The following ATP11B variants were observed in gnomAD, a reference collection of about 807,000 sequenced individuals.
The protein encoded by ATP11B is phospholipid-transporting ATPase IF.
A neutral mutation model predicts 157.8 loss-of-function variants in ATP11B; 81 were observed. The observed-to-expected ratio is 0.51, with a 90% CI of 0.43 to 0.62. The LOEUF (loss-of-function observed/expected upper bound fraction) is 0.62. ATP11B is among the 20% of genes least tolerant of loss of function. ATP11B has a pLI of 0.00. For missense variants in ATP11B, 1,165 were observed against 1,402.2 expected, an observed-to-expected ratio of 0.83 and a Z score of 2.70; for synonymous variants, 451 against 469.4, an observed-to-expected ratio of 0.96 and a Z score of 0.51.
intron 19 of ATP11B, among the ~76,000 whole-genome samples, chr3:182,875,956 T>A (rs1394691316): frequency 1.3e-5 from 2 of 152,140 alleles, no homozygotes; most frequent in African/African-American, 4.8e-5. Context: ...TTTTTAAATA[T>A]TTTTTTCTGG....
At chr3:182,863,468 T>C (rs535542437) in intron 12 of ATP11B, among the ~76,000 whole-genome samples, 6 of 152,250 alleles carry the variant, frequency 3.9e-5, no homozygotes, top group African/African-American at 1.4e-4. Context: ...AAGAAACTTC[T>C]GGTGATTATT....
At chr3:182,899,775 A>G (rs917360105) in intron 28 of ATP11B, among the ~76,000 whole-genome samples, 3 of 152,166 alleles carry the variant, frequency 2.0e-5, no homozygotes, top group East Asian at 3.9e-4. Context: ...ATAATTTCCA[A>G]ATACTTAGTA....
At chr3:182,850,201 G>A (rs896271193) in intron 10 of ATP11B, among the ~76,000 whole-genome samples, 1 of 152,148 alleles carries the variant, frequency 6.6e-6, no homozygotes, top group East Asian at 1.9e-4. Context: ...CGCTGAGCAC[G>A]GTGGCTCATG....
At chr3:182,870,782 G>C (rs1295204681) in intron 17 of ATP11B, among the ~76,000 whole-genome samples, 2 of 151,980 alleles carry the variant, frequency 1.3e-5, no homozygotes, top group East Asian at 1.9e-4. Flanking sequence ...GACCATCCTG[G>C]CTAACAGGAT....
At chr3:182,906,905 G>A (rs1304910368) in intron 28 of ATP11B, among the ~76,000 whole-genome samples, 14 of 151,836 alleles carry the variant, frequency 9.2e-5, no homozygotes, top group Non-Finnish European at 1.2e-4. Flanking sequence ...TGGCTGACAC[G>A]GTGAAACCCC....
chr3:182,918,367 A>T lies in ATP11B; in HGVS notation c.*263A>T, dbSNP rs946702386. 1.4e-5 allele frequency: 6 copies of T among 424,578 alleles called. No homozygotes were observed. Among genetic ancestry groups the T allele is most frequent in the Non-Finnish European group, 2.5e-5 (6 of 244,216 alleles). The allele number at this position is 424,578 out of a possible 1,614,324, so 26.3% of individuals were successfully genotyped here. A position where few individuals can be genotyped will look rare whatever the true frequency, so the allele number is the denominator to read the frequency against. On this transcript the variant is annotated 3_prime_UTR_variant, in exon 30 of 30. Transcript: ENST00000323116. ...TTTGTCTGGTTTGTCCCTTGTGCTTATGGGACTCCTAATGGCATTTCAGTC... is the reference window on the plus strand; with the variant it reads ...TTTGTCTGGTTTGTCCCTTGTGCTTTTGGGACTCCTAATGGCATTTCAGTC...
chr3:182,917,643 G>A (rs1577129797), intron 29 of ATP11B: 5 of 985,252 alleles, frequency 5.1e-6, no homozygotes, highest in East Asian at 1.1e-4. Context: ...CCTTTGGTAA[G>A]TGGGATTTGG....
intron 7 of ATP11B, among the ~76,000 whole-genome samples, chr3:182,840,961 A>G (rs932204827): frequency 2.6e-5 from 4 of 152,108 alleles, no homozygotes; most frequent in Admixed American, 6.5e-5. Flanking sequence ...CCATATGTCT[A>G]TAACCATCTC....
At chr3:182,903,097 A>G (rs1724081496) in intron 28 of ATP11B, among the ~76,000 whole-genome samples, 1 of 152,122 alleles carries the variant, frequency 6.6e-6, no homozygotes, top group South Asian at 2.1e-4. Flanking sequence ...CTTTATCTCC[A>G]CAGACAGATT....
intron 28 of ATP11B, among the ~76,000 whole-genome samples, chr3:182,909,968 TCA>T (rs1560132913): frequency 6.8e-6 from 1 of 147,990 alleles, no homozygotes; most frequent in African/African-American, 2.5e-5. Context: ...GGAGGCTGAG[TCA>T]TGAGAATTGC....
At chr3:182,911,940 G>A (rs1244462676) in intron 28 of ATP11B, among the ~76,000 whole-genome samples, 2 of 152,150 alleles carry the variant, frequency 1.3e-5, no homozygotes, top group Non-Finnish European at 2.9e-5. Context: ...TTGATGGCAG[G>A]CCCCGACACG....
At chr3:182,905,783 T>C (rs1724302353) in intron 28 of ATP11B, 1 of 456,762 alleles carries the variant, frequency 2.2e-6, no homozygotes, top group East Asian at 6.9e-5. Flanking sequence ...GTTGCTTTTC[T>C]GTCCTTCCAG....
At chr3:182,818,299 C>G (rs998262350) in intron 1 of ATP11B, among the ~76,000 whole-genome samples, 6 of 152,198 alleles carry the variant, frequency 3.9e-5, no homozygotes, top group Admixed American at 3.9e-4. Flanking sequence ...AGCCTTGAAA[C>G]TATTTGTTCA....
intron 1 of ATP11B, among the ~76,000 whole-genome samples, chr3:182,816,794 T>A (rs1716992798): frequency 6.6e-6 from 1 of 152,178 alleles, no homozygotes; most frequent in South Asian, 2.1e-4. Flanking sequence ...TGCACACAAT[T>A]TCAGGGATTC....
intron 28 of ATP11B, among the ~76,000 whole-genome samples, chr3:182,909,854 A>G (rs995787210): frequency 2.0e-5 from 3 of 152,084 alleles, no homozygotes; most frequent in Non-Finnish European, 4.4e-5. Flanking sequence ...GTCTGAGCTC[A>G]GAAGATTGAG....
intron 27 of ATP11B, among the ~76,000 whole-genome samples, chr3:182,897,966 A>C (rs760375511): frequency 2.6e-5 from 4 of 152,002 alleles, no homozygotes. Context: ...TCTCTTTTGG[A>C]GAATTTATAT....
At chr3:182,795,179 C>CTTG (rs10668577) in intron 1 of ATP11B, among the ~76,000 whole-genome samples, 20,262 of 152,174 alleles carry the variant, frequency 0.13, 1,600 homozygotes, top group African/African-American at 0.22. Context: ...ATAATACCAT[C>CTTG]TTGTAATACT....
chr3:182,796,526 A>G (rs1348023957), intron 1 of ATP11B, among the ~76,000 whole-genome samples: 1 of 152,214 alleles, frequency 6.6e-6, no homozygotes, highest in East Asian at 1.9e-4. Flanking sequence ...TGGCTGCCAT[A>G]TTGGACAGTT....
At chr3:182,817,274 G>GTTT (rs1270903311) in intron 1 of ATP11B, among the ~76,000 whole-genome samples, 3 of 144,532 alleles carry the variant, frequency 2.1e-5, no homozygotes, top group Admixed American at 1.4e-4. Context: ...TGGGGGGACC[G>GTTT]TTTTTTTTTT....
Sources: gnomAD v4.1 joint callset for allele counts (sites outside exome capture counted in the v4.1 genomes callset) on GRCh38, gnomAD v4.1.1 for gene constraint, MANE v1.5 for transcripts, NCBI Gene and HGNC (gene_info 2026-07-23, HGNC 2026-07-21) for gene names.